The following HYDIN variants were observed in gnomAD, a reference collection of about 807,000 sequenced individuals.
HYDIN encodes HYDIN axonemal central pair apparatus protein.
Under a neutral mutation model 403.9 loss-of-function variants are expected in HYDIN, and 132 were observed. The ratio of observed to expected loss-of-function variants is 0.33; its 90% CI spans 0.28 to 0.38. HYDIN has a LOEUF of 0.38. Among genes scored for constraint, HYDIN ranks in the 10% least tolerant of loss-of-function variants. The pLI, the probability that HYDIN is intolerant of heterozygous loss-of-function variation, is 1.00. For missense variants in HYDIN, 2,827 were observed against 5,009.5 expected (o/e 0.56, Z 13.15); for synonymous variants, 1,202 against 1,891.7 (o/e 0.64, Z 9.46).
rs769734834 is a variant in HYDIN at position 70,809,987 on chromosome 16, A to T, written c.14679T>A (p.Phe4893Leu). Residue 4893 changes from phenylalanine to leucine, a missense_variant, in exon 85 of 86, where the codon TTT (phenylalanine) becomes TTA (leucine). Coordinates refer to ENST00000393567, the MANE Select transcript of HYDIN (RefSeq NM_001270974.2). ...AGGTTTCTCCAGCTTTCAGGGGCTGAAATTCAAATGAGAACGTGCCCTGGA... is the reference window on the plus strand; with the variant it reads ...AGGTTTCTCCAGCTTTCAGGGGCTGTAATTCAAATGAGAACGTGCCCTGGA... ...ANSEGTFSFE[F>L]QPLKAGETFG... is the part of the protein sequence containing the mutation. 3.1e-6 allele frequency: 5 copies of T among 1,614,206 alleles called. No homozygotes were observed. In the East Asian group the frequency reaches 1.1e-4, roughly 36 times the overall value.
chr16:71,219,970 TTTCGG>T (rs2089111949), intron 1 of HYDIN, among the ~76,000 whole-genome samples: 1 of 152,178 alleles, frequency 6.6e-6, no homozygotes, highest in Admixed American at 6.5e-5. Context: ...GTTCAGCGTA[TTTCGG>T]TCCATTGCGT....
In HYDIN at chr16:70,956,707, G is replaced by T. The variant is rs141731323; in HGVS notation, c.6143-1159C>A. On this transcript the variant is annotated intron_variant, in intron 39 of 85. Transcript: ENST00000393567. ...CAGGCAACATTTCTAGAAGCTAGAAGAGACAAGGAAACGGATTGTCCCCCA... is the reference window on the plus strand; with the variant it reads ...CAGGCAACATTTCTAGAAGCTAGAATAGACAAGGAAACGGATTGTCCCCCA... Among the ~76,000 whole-genome samples the T allele has an allele frequency of 6.1e-3, 926 of 152,288 alleles. 24 individuals carry two copies. The highest frequency in any genetic ancestry group is 0.04 in the Admixed American group (614 of 15,304).
intron 18 of HYDIN, among the ~76,000 whole-genome samples, chr16:71,042,490 T>C (rs922711525): frequency 6.6e-6 from 1 of 152,184 alleles, no homozygotes; most frequent in Non-Finnish European, 1.5e-5. Flanking sequence ...CACTTTCTTC[T>C]CTTCATCCTC....
intron 37 of HYDIN, among the ~76,000 whole-genome samples, chr16:70,962,424 T>C (rs1307197543): frequency 6.6e-6 from 1 of 152,110 alleles, no homozygotes; most frequent in Non-Finnish European, 1.5e-5. Context: ...GGAATTCAGC[T>C]ACAAAAAGAG....
intron 28 of HYDIN, among the ~76,000 whole-genome samples, chr16:70,984,384 TAA>T (rs71387558): frequency 8.0e-4 from 73 of 90,714 alleles, no homozygotes; most frequent in African/African-American, 2.8e-3. Flanking sequence ...GACATGGTCT[TAA>T]AAAAAAAAAA....
At chr16:71,042,819 C>G (rs183169407) in intron 18 of HYDIN, among the ~76,000 whole-genome samples, 1 of 152,116 alleles carries the variant, frequency 6.6e-6, no homozygotes, top group Admixed American at 6.6e-5. Flanking sequence ...TTCTCCAACT[C>G]CCATCTGGAC....
intron 45 of HYDIN, among the ~76,000 whole-genome samples, chr16:70,932,152 C>T (rs1464189223): frequency 1.4e-5 from 2 of 145,484 alleles, no homozygotes; most frequent in Non-Finnish European, 3.0e-5. Flanking sequence ...GTCAGGAGTT[C>T]GAGACCAGCC....
At chr16:71,194,745 T>C (rs1408699298) in intron 1 of HYDIN, among the ~76,000 whole-genome samples, 2 of 152,190 alleles carry the variant, frequency 1.3e-5, no homozygotes, top group East Asian at 1.9e-4. Context: ...GAGTCTCTCA[T>C]GAGATTGTAG....
chr16:71,223,137 T>C (rs150966540), intron 1 of HYDIN, among the ~76,000 whole-genome samples: 2 of 152,234 alleles, frequency 1.3e-5, no homozygotes, highest in African/African-American at 2.4e-5. Context: ...CATAGACCAA[T>C]AGAACAGAAC....
chr16:71,079,220 T>C (rs533915651), intron 13 of HYDIN, among the ~76,000 whole-genome samples: 2 of 152,148 alleles, frequency 1.3e-5, no homozygotes, highest in South Asian at 4.1e-4. Flanking sequence ...AGGACAGATG[T>C]TTTTCTTCAG....
chr16:71,143,705 T>C (rs2097778157), intron 7 of HYDIN, among the ~76,000 whole-genome samples: 1 of 152,276 alleles, frequency 6.6e-6, no homozygotes, highest in Non-Finnish European at 1.5e-5. Context: ...TAGATATTAA[T>C]AGATTCAGAT....
At chr16:71,230,413 G>T in intron 1 of HYDIN, 149 bp downstream of exon 1, 1 of 913,966 alleles carries the variant, frequency 1.1e-6, no homozygotes. Context: ...GTGAGAAGTG[G>T]CTAGGGAAGG....
rs564908088 is a variant in HYDIN at position 70,806,284 on chromosome 16, C to A, written c.*1296G>T. ...TCTGTGGTTTCAGGCATCTACTGGG[C>A]ACCTTGGAATGTATCCCCTGAGGAT... On this transcript the variant is annotated 3_prime_UTR_variant, in exon 86 of 86. Transcript: ENST00000393567. 3.3e-5 allele frequency among the ~76,000 whole-genome samples: 5 copies of A among 152,198 alleles called. No individual in the cohort carries two copies. The highest frequency in any genetic ancestry group is 2.1e-4 in the South Asian group (1 of 4,810).
chr16:71,129,522 T>C, intron 9 of HYDIN, 118 bp downstream of exon 9: 1 of 878,954 alleles, frequency 1.1e-6, no homozygotes. Flanking sequence ...TTTCTTCAGG[T>C]GGACTCTTCA....
intron 1 of HYDIN, among the ~76,000 whole-genome samples, chr16:71,187,356 G>C (rs1472746331): frequency 1.3e-5 from 2 of 152,136 alleles, no homozygotes; most frequent in African/African-American, 4.8e-5. Context: ...ATTCGAAATA[G>C]CATGAGATAA....
intron 29 of HYDIN, 150 bp downstream of exon 29, chr16:70,981,241 G>A: frequency 1.6e-6 from 2 of 1,265,532 alleles, no homozygotes; most frequent in Admixed American, 2.9e-5. Context: ...GTAAACTCAG[G>A]TCACCAATTT....
chr16:70,884,588 G>T (rs1403295847), intron 58 of HYDIN, among the ~76,000 whole-genome samples: 1 of 151,348 alleles, frequency 6.6e-6, no homozygotes, highest in Non-Finnish European at 1.5e-5. Context: ...CTATAAAATG[G>T]GGCTAAAGCC....
At chr16:70,982,593 A>G (rs1376033689) in intron 28 of HYDIN, among the ~76,000 whole-genome samples, 1 of 127,248 alleles carries the variant, frequency 7.9e-6, no homozygotes, top group Non-Finnish European at 1.6e-5. Flanking sequence ...TAATATTTAA[A>G]TGCAGATGGT....
chr16:70,947,013 C>T (rs146501625), intron 41 of HYDIN, among the ~76,000 whole-genome samples: 2,226 of 151,320 alleles, frequency 0.015, 38 homozygotes, highest in Admixed American at 0.044. Flanking sequence ...CCTCTTTTCC[C>T]AATTGAATAC....
Sources: allele counts gnomAD v4.1 joint callset (sites outside exome capture counted in the v4.1 genomes callset), GRCh38; gene constraint gnomAD v4.1.1; transcripts MANE v1.5; gene names NCBI Gene and HGNC (gene_info 2026-07-23, HGNC 2026-07-21).